CA11: variants seen among roughly 807,000 people sequenced by gnomAD.
CA11 encodes carbonic anhydrase 11 (inactive), also known as carbonic anhydrase-related protein 11.
In CA11, 20 loss-of-function variants were observed where a neutral mutation model predicts 39.3. The observed-to-expected ratio is 0.51, with a 90% CI of 0.36 to 0.74. The LOEUF is 0.74. CA11 is among the 30% of genes least tolerant of loss of function. CA11 has a pLI of 0.00. For missense variants in CA11, 336 were observed against 424.6 expected, an observed-to-expected ratio of 0.79 and a Z score of 1.83; for synonymous variants, 166 against 172.5, an observed-to-expected ratio of 0.96 and a Z score of 0.29.
intron 7 of CA11, 116 bp from the exon 8 acceptor site, chr19:48,639,169 AC>A (rs2030976249): frequency 2.6e-6 from 4 of 1,519,706 alleles, no homozygotes; most frequent in African/African-American, 1.4e-5. Context: ...AGCCCCACCC[AC>A]CCCCAAGGTG....
intron 8 of CA11, 182 bp from the exon 9 acceptor site, chr19:48,638,326 T>A (rs1329335677): frequency 5.0e-5 from 46 of 920,282 alleles, no homozygotes; most frequent in Non-Finnish European, 5.6e-5. Flanking sequence ...GAGGGGGGAA[T>A]CGGGACGTCC....
At chr19:48,640,821 C>T (rs1228343717) in intron 3 of CA11, among the ~76,000 whole-genome samples, 11 of 151,202 alleles carry the variant, frequency 7.3e-5, no homozygotes, top group Non-Finnish European at 1.5e-4. Flanking sequence ...ACTACAGGCG[C>T]CCGCCACCAC....
At position 48,637,993 on chromosome 19, in the gene CA11, G is replaced by A; in HGVS notation, c.*126C>T. On this transcript the variant is annotated 3_prime_UTR_variant, in exon 9 of 9. Coordinates refer to ENST00000084798, the MANE Select transcript of CA11 (RefSeq NM_001217.5). ...TAATACCCAAATGTTTCCCCACCGC[G>A]CCTAGAATCAGACCACTGAGAAAAC... 1 of 579,844 alleles carries A rather than the reference G, an allele frequency of 1.7e-6. No individual in the cohort carries two copies. The highest frequency in any genetic ancestry group is 3.6e-5 in the South Asian group (1 of 27,404). 35.9% of individuals were successfully genotyped at this position (579,844 alleles called of 1,614,324 possible).
chr19:48,645,536 G>A (rs1364807421), intron 1 of CA11, 30 bp downstream of exon 1: 2 of 1,597,576 alleles, frequency 1.3e-6, no homozygotes, highest in Non-Finnish European at 1.7e-6. Context: ...CCCTCCCTCG[G>A]GGGCTCCTCC....
chr19:48,638,472 T>G, intron 8 of CA11: 1 of 542,708 alleles, frequency 1.8e-6, no homozygotes, highest in Non-Finnish European at 2.6e-6. Flanking sequence ...GGGAAGGGGT[T>G]GTACCTTGTA....
At chr19:48,639,251 G>A (rs1259276847) in intron 7 of CA11, 54 bp downstream of exon 7, 1 of 1,599,934 alleles carries the variant, frequency 6.3e-7, no homozygotes, top group South Asian at 1.1e-5. Context: ...GGGATGCCCA[G>A]GCCAGTGAGT....
Position 48,644,580 on chromosome 19 carries a change from G to A in CA11, c.143-11C>T. On this transcript the variant is annotated splice_polypyrimidine_tract_variant and intron_variant, in intron 2 of 8. Coordinates refer to ENST00000084798, the MANE Select transcript of CA11 (RefSeq NM_001217.5). ...CCCAGAAAGGAGGCCCTGGGGGTGG[G>A]GTCGGAGTAGGAGGACAAGGAGTCA... 2 of 1,563,940 alleles carry A rather than the reference G, an allele frequency of 1.3e-6. No individual in the cohort carries two copies. Among genetic ancestry groups the A allele is most frequent in the South Asian group, 1.2e-5 (1 of 85,338 alleles).
At position 48,639,840 on chromosome 19, in the gene CA11, C is replaced by G. The variant is rs1240898290; in HGVS notation, c.515G>C (p.Ser172Thr). Residue 172 changes from serine (S) to threonine (T), a missense_variant, in exon 5 of 9, where the codon AGC (serine) becomes ACC (threonine). Physicochemically the swap from Ser to Thr is moderately conservative, Grantham distance 58. Coordinates refer to ENST00000084798, the MANE Select transcript of CA11 (RefSeq NM_001217.5). ...GCCATTGGGGCCGCGGGAGGCAGCG[C>G]TGAAATTCCCGTAGAGTTCCTGGTT... Reference protein sequence around the residue: ...HFNQELYGNFSAASRGPNGLA... With the variant: ...HFNQELYGNFTAASRGPNGLA... 6.2e-7 allele frequency: 1 copy of G among 1,614,158 alleles called. No individual in the cohort carries two copies. The highest frequency in any genetic ancestry group is 8.5e-7 in the Non-Finnish European group (1 of 1,180,028).
chr19:48,645,132 G>C (rs1242099979), intron 2 of CA11, among the ~76,000 whole-genome samples: 1 of 152,168 alleles, frequency 6.6e-6, no homozygotes, highest in South Asian at 2.1e-4. Flanking sequence ...CCTAGCAGGA[G>C]CCAGGACCTT....
At position 48,643,969 on chromosome 19, in the gene CA11, T is replaced by C. The variant is rs1183688303; in HGVS notation, c.285+458A>G. ...AATTAGCTGGGCGTGATGGTGCGCA[T>C]GCCTGTAATCCCAACTACTCGGGAG... On this transcript the variant is annotated intron_variant, in intron 3 of 8. Coordinates refer to ENST00000084798, the MANE Select transcript of CA11 (RefSeq NM_001217.5). This position sits in a 1 kb window ranked among gnomAD's most constrained non-coding sequence, Gnocchi z 4.3. 6.6e-6 allele frequency among the ~76,000 whole-genome samples: 1 copy of C among 151,966 alleles called. No individual in the cohort carries two copies. The highest frequency in any genetic ancestry group is 1.5e-5 in the Non-Finnish European group (1 of 67,996).
At chr19:48,642,881 T>C (rs1005148299) in intron 3 of CA11, among the ~76,000 whole-genome samples, 1 of 152,040 alleles carries the variant, frequency 6.6e-6, no homozygotes, top group African/African-American at 2.4e-5. Flanking sequence ...GGGAATGGCT[T>C]TGAGGCTTTT....
At chr19:48,638,749 G>A (rs1418298382) in intron 8 of CA11, 139 bp downstream of exon 8, 3 of 948,874 alleles carry the variant, frequency 3.2e-6, no homozygotes, top group Non-Finnish European at 4.6e-6. Context: ...TAGGGAAAGA[G>A]AGAAAAAGAG....
rs200763342 is a variant in CA11, at chr19:48,638,998, A to C, written c.851T>G (p.Leu284Arg). 10 of 1,613,958 alleles carry C rather than the reference A, an allele frequency of 6.2e-6. No homozygotes were observed. Among genetic ancestry groups the C allele is most frequent in the African/African-American group, 1.3e-5 (1 of 74,988 alleles). The change falls in exon 8 of 9, where the codon CTC (leucine) becomes CGC (arginine). Residue 284 changes from leucine to arginine, a missense_variant. By Grantham distance (102) the Leu-to-Arg change is moderately radical (BLOSUM62 -2). Transcript: ENST00000084798. ...CTGCAGGGGCCGGCTGTTACCGCTGAGGCTCTGGAAGATCTGAGATGGAGG... is the reference window on the plus strand; with the variant it reads ...CTGCAGGGGCCGGCTGTTACCGCTGCGGCTCTGGAAGATCTGAGATGGAGG... ...QNPPSQIFQS[L>R]SGNSRPLQPL...
intron 8 of CA11, 148 bp downstream of exon 8, chr19:48,638,740 A>T: frequency 1.1e-6 from 1 of 869,894 alleles, no homozygotes; most frequent in Non-Finnish European, 1.7e-6. Flanking sequence ...ATAGACATGT[A>T]GGGAAAGAGA....
At chr19:48,644,685 C>A in intron 2 of CA11, 116 bp from the exon 3 acceptor site, 2 of 794,940 alleles carry the variant, frequency 2.5e-6, no homozygotes, top group Admixed American at 3.2e-5. Context: ...GGAGGAGGGG[C>A]TAGGGACCTA....
intron 8 of CA11, 74 bp downstream of exon 8, chr19:48,638,814 C>T (rs2030946897): frequency 2.8e-6 from 4 of 1,427,124 alleles, no homozygotes; most frequent in Non-Finnish European, 3.7e-6. Flanking sequence ...GACTGAATCA[C>T]ACTGAGACAC....
chr19:48,639,222 G>C (rs1192775150), intron 7 of CA11, 83 bp downstream of exon 7: 1 of 1,563,846 alleles, frequency 6.4e-7, no homozygotes, highest in Non-Finnish European at 8.7e-7. Flanking sequence ...TATGAGGAGA[G>C]GGAGGGCAGG....
At chr19:48,645,094 G>T (rs984197233) in intron 2 of CA11, among the ~76,000 whole-genome samples, 1 of 152,140 alleles carries the variant, frequency 6.6e-6, no homozygotes, top group Non-Finnish European at 1.5e-5. Context: ...TGGACAAGGT[G>T]GGGGACGGGG....
chr19:48,638,894 G>A lies in CA11; in HGVS notation c.955C>T (p.Leu319=), dbSNP rs145337926. 10 of 1,590,088 alleles carry A rather than the reference G, an allele frequency of 6.3e-6. No homozygotes were observed. In the African/African-American group the frequency reaches 1.3e-4, roughly 21 times the overall value. ...GGTGCAGACTGGACCATACCATGCA[G>A]GCGGTAGTTGGGGCCTCGGCAGCGC... The part of the protein sequence containing the change: ...ERRCRGPNYR[L]HVDGVPHGR The change falls in exon 8 of 9, where the codon CTG becomes TTG. Residue 319 remains leucine, a synonymous_variant. Transcript: ENST00000084798.
Sources: gnomAD v4.1 joint callset for allele counts (sites outside exome capture counted in the v4.1 genomes callset) on GRCh38, gnomAD v4.1.1 for gene constraint, Gnocchi (gnomAD v3.1) non-coding constraint, MANE v1.5 for transcripts, NCBI Gene and HGNC (gene_info 2026-07-23, HGNC 2026-07-21) for gene names.